The following TTN variants were observed in gnomAD, a reference collection of about 807,000 sequenced individuals.
TTN encodes connectin.
In TTN, 1,525 loss-of-function variants were observed where a neutral mutation model predicts 3,223.0. The ratio of observed to expected loss-of-function variants is 0.47; its 90% CI spans 0.45 to 0.49. The LOEUF (loss-of-function observed/expected upper bound fraction) is 0.49, where lower values mean the gene tolerates loss of function less well. Among genes scored for constraint, TTN ranks in the 20% least tolerant of loss-of-function variants. The pLI, the probability that TTN is intolerant of heterozygous loss-of-function variation, is 0.00. For synonymous variants in TTN, 14,094 were observed against 15,161.0 expected, an observed-to-expected ratio of 0.93 and a Z score of 5.17; for missense variants, 40,786 against 43,424.0, an observed-to-expected ratio of 0.94 and a Z score of 5.40.
chr2:178,622,105 C>T, intron 243 of TTN, 97 bp from the exon 244 acceptor site: 3 of 1,159,572 alleles, frequency 2.6e-6, no homozygotes, highest in Non-Finnish European at 3.6e-6. Context: ...TGAAAGCAAC[C>T]AACAAGACTT....
At position 178,593,381 on chromosome 2, in the gene TTN, G is replaced by A. The variant is rs750573335; in HGVS notation, c.58827C>T (p.Pro19609=). 2 of 1,613,314 alleles carry A rather than the reference G, an allele frequency of 1.2e-6. No homozygotes were observed. The highest frequency in any genetic ancestry group is 2.2e-5 in the East Asian group (1 of 44,728). ...TCTTTTCCAGGATGTAGTTTGTGAT[G>A]GGTTTTCCTCCATCATGTGGCTTAT... ...TWNKPHDGGK[P]ITNYILEKRE... Residue 19609 remains proline, a synonymous_variant, in exon 299 of 363, where the codon CCC becomes CCT. Coordinates refer to ENST00000589042, the MANE Select transcript of TTN (RefSeq NM_001267550.2).
Position 178,664,095 on chromosome 2 carries a change from T to C in TTN, c.36284A>G (p.His12095Arg), listed in dbSNP as rs2065378860. Residue 12095 changes from histidine to arginine, a missense_variant, in exon 169 of 363, where the codon CAC becomes CGC. His to Arg is a conservative substitution (Grantham distance 29, BLOSUM62 0). Transcript: ENST00000589042. ...QRAEVVPVKV[H>R]EAPKEIIPEK... Reference sequence around the variant, plus strand: ...AGGGATAATCTCTTTGGGAGCTTCGTGCACTTGAAAGATATTAGTATTTTT... The same window carrying C: ...AGGGATAATCTCTTTGGGAGCTTCGCGCACTTGAAAGATATTAGTATTTTT... The C allele has an allele frequency of 6.2e-7, 1 of 1,609,164 alleles. No homozygotes were observed. The highest frequency in any genetic ancestry group is 1.1e-5 in the South Asian group (1 of 90,352).
intron 71 of TTN, 193 bp downstream of exon 71, chr2:178,725,175 G>T: frequency 1.9e-6 from 1 of 525,982 alleles, no homozygotes; most frequent in Non-Finnish European, 3.0e-6. Flanking sequence ...TAAAACAGAT[G>T]TCTAATTTTT....
In TTN at chr2:178,652,357, T is replaced by G. The variant is rs758299655; in HGVS notation, c.39128-10A>C. 1 of 1,613,600 alleles carries G rather than the reference T, an allele frequency of 6.2e-7. No homozygotes were observed. On this transcript the variant is annotated splice_polypyrimidine_tract_variant and intron_variant, in intron 202 of 362. Transcript: ENST00000589042. ...TTGGGAGCCTCAGGCACTTGAAAGA[T>G]AATAGTGAAATTACATTTAGGCATT... is the stretch of plus-strand genomic sequence containing the variant.
At chr2:178,778,128 A>G in intron 24 of TTN, 153 bp from the exon 25 acceptor site, 1 of 968,268 alleles carries the variant, frequency 1.0e-6, no homozygotes, top group Non-Finnish European at 1.5e-6. Flanking sequence ...TCTAAAATAG[A>G]ATATATTATT....
chr2:178,589,179 G>A lies in TTN; in HGVS notation c.62546C>T (p.Thr20849Met), dbSNP rs372685222. 40 of 1,613,324 alleles carry A rather than the reference G, an allele frequency of 2.5e-5. No individual in the cohort carries two copies. The highest frequency in any genetic ancestry group is 2.0e-4 in the African/African-American group (15 of 74,886). ...GGCATAGGCCACAAAACTGCCAGCC[G>A]TGTTAGTTGCCGTAACTACATATTT... ...GGKYVVTATN[T>M]AGSFVAYATV... The change falls in exon 304 of 363, where the codon ACG becomes ATG. Residue 20849 changes from threonine (T) to methionine (M), a missense_variant. Transcript: ENST00000589042.
In TTN at chr2:178,636,740, T is replaced by C. The variant is rs1287070311; in HGVS notation, c.40987A>G (p.Ser13663Gly). 3 of 1,611,690 alleles carry C rather than the reference T, an allele frequency of 1.9e-6. No individual in the cohort carries two copies. The South Asian group carries it at 3.3e-5, about 18-fold the overall frequency. ...EAERRKLRPG[S>G]GGEKPPDEAP... ...TCATCAGGAGGTTTCTCTCCACCAC[T>C]TCCTGGCCTTAACTTTCTCCTTTCG... The change falls in exon 225 of 363, where the codon AGT (serine) becomes GGT (glycine). Residue 13663 changes from serine (S) to glycine (G), a missense_variant. Coordinates refer to ENST00000589042, the MANE Select transcript of TTN (RefSeq NM_001267550.2). The surrounding 1 kb of genome is among the most constrained non-coding windows in gnomAD (Gnocchi z 4.3).
Position 178,570,653 on chromosome 2 carries a change from A to T in TTN, c.75479T>A (p.Ile25160Lys). The T allele has an allele frequency of 1.2e-6, 2 of 1,613,340 alleles. No individual in the cohort carries two copies. The highest frequency in any genetic ancestry group is 1.7e-6 in the Non-Finnish European group (2 of 1,179,584). ...QELSNTARLE[I>K]KSTDFATSLS... ...ACTGGTGGCAAAGTCGGTGCTCTTT[A>T]TTTCTAATCGAGCTGTGTTTGAAAG... is the stretch of plus-strand genomic sequence containing the variant. The change falls in exon 326 of 363, where the codon ATA becomes AAA. Residue 25160 changes from isoleucine (I) to lysine (K), a missense_variant. Coordinates refer to ENST00000589042, the MANE Select transcript of TTN (RefSeq NM_001267550.2).
At chr2:178,791,067 T>C (rs1434063075) in intron 10 of TTN, among the ~76,000 whole-genome samples, 1 of 152,218 alleles carries the variant, frequency 6.6e-6, no homozygotes, top group Non-Finnish European at 1.5e-5. Context: ...GTCCTAGAAC[T>C]GAACATATCT....
chr2:178,774,086 C>A lies in TTN; in HGVS notation c.7082G>T (p.Gly2361Val). Residue 2361 changes from glycine to valine, a missense_variant, in exon 31 of 363, where the codon GGA becomes GTA. Transcript: ENST00000589042. ...MKPRPIAILQ[G>V]LSDQKVCEGD... ...CTCACAGACTTTTTGGTCACTAAGTCCTTGTAGGATAGCAATGGGGCGGGC... is the reference window on the plus strand; with the variant it reads ...CTCACAGACTTTTTGGTCACTAAGTACTTGTAGGATAGCAATGGGGCGGGC... 6.2e-7 allele frequency: 1 copy of A among 1,614,014 alleles called. No homozygotes were observed.
rs190024945 is a variant in TTN at position 178,607,338 on chromosome 2, A to T, written c.53288-24T>A. 51 of 1,612,016 alleles carry T rather than the reference A, an allele frequency of 3.2e-5. No homozygotes were observed. The African/African-American group carries it at 6.5e-4, about 21-fold the overall frequency. On this transcript the variant is annotated intron_variant, in intron 277 of 362. Coordinates refer to ENST00000589042, the MANE Select transcript of TTN (RefSeq NM_001267550.2). ...ATCTGAAAACAAAACAAAGCCAAAAATCAATGTAATAAGATAGTATCACTT... is the reference window on the plus strand; with the variant it reads ...ATCTGAAAACAAAACAAAGCCAAAATTCAATGTAATAAGATAGTATCACTT...
At position 178,723,430 on chromosome 2, in the gene TTN, G is replaced by A. The variant is rs747568681; in HGVS notation, c.21670C>T (p.Leu7224Phe). The change falls in exon 74 of 363, where the codon CTC becomes TTC. Residue 7224 changes from leucine (L) to phenylalanine (F), a missense_variant. Leu to Phe is a conservative substitution (Grantham distance 22). Transcript: ENST00000589042. ...CACTTGAGCAAACCTTTCACAAAGA[G>A]ACGGGTAGTGCAAGATGCTTGGCCA... is the stretch of plus-strand genomic sequence containing the variant. Reference protein sequence around the residue: ...NAGQASCTTRLFVKEPAAFLK... With the variant: ...NAGQASCTTRFFVKEPAAFLK... 1 of 1,612,002 alleles carries A rather than the reference G, an allele frequency of 6.2e-7. No homozygotes were observed. The highest frequency in any genetic ancestry group is 1.1e-5 in the South Asian group (1 of 90,752).
chr2:178,688,998 C>T (rs1191381695), intron 125 of TTN, 55 bp downstream of exon 125: 11 of 1,482,242 alleles, frequency 7.4e-6, no homozygotes, highest in African/African-American at 3.0e-5. Flanking sequence ...TTAACACACT[C>T]GAAGATTTTT....
intron 117 of TTN, among the ~76,000 whole-genome samples, chr2:178,694,288 T>C (rs1443023103): frequency 6.6e-6 from 1 of 152,220 alleles, no homozygotes. Context: ...GGTCTATTTC[T>C]ATAAATAAGA....
chr2:178,794,664 C>G (rs2093677076), intron 7 of TTN, 113 bp from the exon 8 acceptor site: 1 of 1,303,768 alleles, frequency 7.7e-7, no homozygotes, highest in Non-Finnish European at 1.1e-6. Context: ...CATACATAAG[C>G]ATTTATTATT....
chr2:178,613,046 T>C lies in TTN; in HGVS notation c.49675A>G (p.Thr16559Ala), dbSNP rs772176256. The C allele has an allele frequency of 1.2e-6, 2 of 1,612,686 alleles. No individual in the cohort carries two copies. The highest frequency in any genetic ancestry group is 2.2e-5 in the South Asian group (2 of 91,046). ...GATGTTTTGCCTACATCTTTTACAG[T>C]TGGTTTTCCAGGGGGCCATGGAGGA... ...IDPPWPPGKPTVKDVGKTSVR... is the reference protein window; with the variant it reads ...IDPPWPPGKPAVKDVGKTSVR... Residue 16559 changes from threonine to alanine, a missense_variant, in exon 265 of 363, where the codon ACT becomes GCT. Transcript: ENST00000589042.
chr2:178,721,702 A>G, intron 78 of TTN, 145 bp downstream of exon 78: 1 of 785,582 alleles, frequency 1.3e-6, no homozygotes, highest in Non-Finnish European at 1.9e-6. Flanking sequence ...CACAACTTTG[A>G]TTAATGTTGC....
Position 178,705,217 on chromosome 2 carries a change from A to C in TTN, c.29561T>G (p.Phe9854Cys). The change falls in exon 103 of 363, where the codon TTT (phenylalanine) becomes TGT (cysteine). Residue 9854 changes from phenylalanine to cysteine, a missense_variant. Physicochemically the swap from Phe to Cys is radical, Grantham distance 205 (BLOSUM62 -2). Transcript: ENST00000589042. ...ITDFRGLLQA[F>C]ELLKQSQEEE... ...TTCTTGGCTTTGCTTGAGCAGTTCA[A>C]ATGCTTGAAGAAGACCTCGGAAGTC... 1 of 1,613,768 alleles carries C rather than the reference A, an allele frequency of 6.2e-7. No individual in the cohort carries two copies. The highest frequency in any genetic ancestry group is 8.5e-7 in the Non-Finnish European group (1 of 1,179,752).
At position 178,729,650 on chromosome 2, in the gene TTN, T is replaced by C. The variant is rs760273637; in HGVS notation, c.18589+14A>G. The C allele has an allele frequency of 1.9e-6, 3 of 1,613,670 alleles. No homozygotes were observed. The South Asian group carries it at 3.3e-5, about 18-fold the overall frequency. On this transcript the variant is annotated intron_variant, in intron 63 of 362. Transcript: ENST00000589042. ...CAGCACAGCCAAAATGGAGAATAGA[T>C]TCCATTCACGAACCTTTCACTTTGA...
Sources: gnomAD v4.1 joint callset for allele counts (sites outside exome capture counted in the v4.1 genomes callset) on GRCh38, gnomAD v4.1.1 for gene constraint, Gnocchi (gnomAD v3.1) non-coding constraint, MANE v1.5 for transcripts, NCBI Gene and HGNC (gene_info 2026-07-23, HGNC 2026-07-21) for gene names.